The following SMOC1 variants were observed in gnomAD, a reference collection of about 807,000 sequenced individuals.
The protein encoded by SMOC1 is SPARC related modular calcium binding 1, also known as SPARC-related modular calcium-binding protein 1.
In SMOC1, 22 loss-of-function variants were observed where a neutral mutation model predicts 56.3. The ratio of observed to expected loss-of-function variants is 0.39; its 90% CI spans 0.28 to 0.56. The LOEUF (loss-of-function observed/expected upper bound fraction) is 0.56, where lower values mean the gene tolerates loss of function less well. Among genes scored for constraint, SMOC1 ranks in the 20% least tolerant of loss-of-function variants. The pLI is 0.61. For missense variants in SMOC1, 509 were observed against 565.4 expected (o/e 0.90, Z 1.01); for synonymous variants, 193 against 215.0 (o/e 0.90, Z 0.89).
chr14:70,004,000 A>G (rs1158927318), intron 7 of SMOC1, among the ~76,000 whole-genome samples: 2 of 151,508 alleles, frequency 1.3e-5, no homozygotes, highest in African/African-American at 4.9e-5. Flanking sequence ...CTCATTTTCT[A>G]CTCAGGATCC....
chr14:70,011,602 C>G (rs1398331088), intron 9 of SMOC1, 35 bp downstream of exon 9: 2 of 1,581,216 alleles, frequency 1.3e-6, no homozygotes, highest in Non-Finnish European at 8.7e-7. Context: ...GCGCCATCAC[C>G]TCCTTCTGTT....
chr14:69,959,095 T>C (rs1241580730), intron 3 of SMOC1, among the ~76,000 whole-genome samples: 1 of 152,218 alleles, frequency 6.6e-6, no homozygotes, highest in African/African-American at 2.4e-5. Flanking sequence ...TTTCCTTGTG[T>C]GTACTTATTG....
At chr14:69,954,524 G>A (rs970268697) in intron 3 of SMOC1, among the ~76,000 whole-genome samples, 2 of 152,204 alleles carry the variant, frequency 1.3e-5, no homozygotes, top group Non-Finnish European at 2.9e-5. Context: ...GTGCTTCTCA[G>A]GAAAGCTTCT....
chr14:69,893,872 G>T (rs1168091158), intron 1 of SMOC1, among the ~76,000 whole-genome samples: 2 of 152,018 alleles, frequency 1.3e-5, no homozygotes, highest in African/African-American at 4.8e-5. Flanking sequence ...GTTACGGTGG[G>T]CCCTTAATCC....
intron 7 of SMOC1, among the ~76,000 whole-genome samples, chr14:69,999,835 C>T (rs1884902911): frequency 6.6e-6 from 1 of 152,142 alleles, no homozygotes; most frequent in Non-Finnish European, 1.5e-5. Flanking sequence ...GGTCGCCTTG[C>T]TCCTTTGCCC....
intron 1 of SMOC1, among the ~76,000 whole-genome samples, chr14:69,940,193 A>G (rs1278294124): frequency 2.0e-5 from 3 of 152,172 alleles, no homozygotes; most frequent in Non-Finnish European, 2.9e-5. Flanking sequence ...AGTTGTATTG[A>G]GACCAACCCC....
intron 6 of SMOC1, among the ~76,000 whole-genome samples, chr14:69,994,055 CT>C (rs1178443350): frequency 6.6e-6 from 1 of 152,200 alleles, no homozygotes; most frequent in Non-Finnish European, 1.5e-5. Context: ...GATTTATCCC[CT>C]TTAAATCTTC....
rs148181866 is a variant in SMOC1 at position 69,892,602 on chromosome 14, C to G, written c.99+12825C>G. On this transcript the variant is annotated intron_variant, in intron 1 of 11. Coordinates refer to ENST00000361956, the MANE Select transcript of SMOC1 (RefSeq NM_001034852.3). ...AATGGATTGCCATGGACCCCTTACCCACATTCGACCATGAACCACTCATGG... is the reference window on the plus strand; with the variant it reads ...AATGGATTGCCATGGACCCCTTACCGACATTCGACCATGAACCACTCATGG... 4.9e-3 allele frequency among the ~76,000 whole-genome samples: 741 copies of G among 152,276 alleles called. 7 individuals carry two copies. The highest frequency in any genetic ancestry group is 0.016 in the African/African-American group (667 of 41,540).
intron 1 of SMOC1, among the ~76,000 whole-genome samples, chr14:69,945,865 G>T (rs1316592285): frequency 6.6e-6 from 1 of 152,194 alleles, no homozygotes; most frequent in African/African-American, 2.4e-5. Context: ...TGGTTGTTTA[G>T]CATGGCTATC....
intron 1 of SMOC1, among the ~76,000 whole-genome samples, chr14:69,939,445 G>A (rs750269690): frequency 9.9e-5 from 15 of 152,170 alleles, no homozygotes; most frequent in Non-Finnish European, 2.2e-4. Context: ...GATTATGGGA[G>A]CTACAAGTCA....
intron 7 of SMOC1, among the ~76,000 whole-genome samples, chr14:70,002,802 C>T (rs1461393652): frequency 6.6e-6 from 1 of 152,198 alleles, no homozygotes; most frequent in Non-Finnish European, 1.5e-5. Context: ...GGTGCTAAAA[C>T]CCCCTGTGGC....
intron 11 of SMOC1, among the ~76,000 whole-genome samples, chr14:70,025,116 G>A (rs1389760535): frequency 6.6e-6 from 1 of 152,108 alleles, no homozygotes; most frequent in Non-Finnish European, 1.5e-5. Flanking sequence ...TGTAGAGGGT[G>A]CCCAAGTATG....
chr14:70,024,681 G>A (rs1429015793), intron 11 of SMOC1, among the ~76,000 whole-genome samples: 1 of 152,146 alleles, frequency 6.6e-6, no homozygotes, highest in East Asian at 1.9e-4. Flanking sequence ...GGATGTTTGT[G>A]TGACTGAAAT....
intron 1 of SMOC1, among the ~76,000 whole-genome samples, chr14:69,914,196 G>A (rs1884626569): frequency 1.3e-5 from 2 of 152,190 alleles, no homozygotes; most frequent in Non-Finnish European, 2.9e-5. Flanking sequence ...TAAAGTTTGA[G>A]AACCACTGCT....
Position 69,968,624 on chromosome 14 carries a change from G to C in SMOC1, c.379-7091G>C, listed in dbSNP as rs150273320. Among the ~76,000 whole-genome samples, 252 of 152,324 alleles carry C rather than the reference G, an allele frequency of 1.7e-3. 4 individuals carry two copies. The highest frequency in any genetic ancestry group is 5.9e-3 in the African/African-American group (247 of 41,554). Reference sequence around the variant, plus strand: ...GATGTTTAAATTTCACTGTGCATTAGCTTAATCCAAAAACCCTGCTATCCG... The same window carrying C: ...GATGTTTAAATTTCACTGTGCATTACCTTAATCCAAAAACCCTGCTATCCG... On this transcript the variant is annotated intron_variant, in intron 3 of 11. Transcript: ENST00000361956.
intron 1 of SMOC1, among the ~76,000 whole-genome samples, chr14:69,934,761 C>T (rs779540048): frequency 6.6e-6 from 1 of 152,198 alleles, no homozygotes; most frequent in African/African-American, 2.4e-5. Flanking sequence ...GAGGGTTTAG[C>T]TCCTTTGGAT....
chr14:69,975,736 G>A lies in SMOC1; in HGVS notation c.400G>A (p.Gly134Arg), dbSNP rs1407036434. The A allele has an allele frequency of 1.9e-6, 3 of 1,612,786 alleles. No homozygotes were observed. Among genetic ancestry groups the A allele is most frequent in the African/African-American group, 1.3e-5 (1 of 74,870 alleles). The change falls in exon 4 of 12, where the codon GGG (glycine) becomes AGG (arginine). Residue 134 changes from glycine to arginine, a missense_variant. This residue lies in a region of SMOC1 where 315 missense variants were observed against 333.1 expected (regional missense o/e 0.95). Coordinates refer to ENST00000361956, the MANE Select transcript of SMOC1 (RefSeq NM_001034852.3). ...FTQVQCHTYTGYCWCVTPDGK... is the reference protein window; with the variant it reads ...FTQVQCHTYTRYCWCVTPDGK... ...ACAGGTGCAGTGCCATACTTACACTGGGTACTGCTGGTGTGTCACCCCGGA... is the reference window on the plus strand; with the variant it reads ...ACAGGTGCAGTGCCATACTTACACTAGGTACTGCTGGTGTGTCACCCCGGA...
chr14:69,904,109 T>C (rs920480908), intron 1 of SMOC1, among the ~76,000 whole-genome samples: 4 of 151,954 alleles, frequency 2.6e-5, no homozygotes, highest in African/African-American at 9.7e-5. Context: ...AGAATCAGAG[T>C]TGTTATTTTA....
chr14:70,013,491 G>C lies in SMOC1; in HGVS notation c.1046G>C (p.Arg349Thr), dbSNP rs1264584613. Residue 349 changes from arginine (R) to threonine (T), a missense_variant and splice_region_variant, in exon 10 of 12, where the codon AGG becomes ACG. By Grantham distance (71) the Arg-to-Thr change is moderately conservative. Coordinates refer to ENST00000361956, the MANE Select transcript of SMOC1 (RefSeq NM_001034852.3). ...INSAAPTGGG[R>T]FSEPDPSHTL... ...TCAGCAGCGCCCACTGGAGGTGGGA[G>C]GTGAGATTGTGAGCAGGAATCAGGC... The C allele has an allele frequency of 1.2e-6, 2 of 1,613,782 alleles. No homozygotes were observed. Among genetic ancestry groups the C allele is most frequent in the African/African-American group, 2.7e-5 (2 of 74,934 alleles).
Sources: allele counts gnomAD v4.1 joint callset (sites outside exome capture counted in the v4.1 genomes callset), GRCh38; gene constraint gnomAD v4.1.1; regional missense constraint gnomAD v4.1.1; transcripts MANE v1.5; gene names NCBI Gene and HGNC (gene_info 2026-07-23, HGNC 2026-07-21).